Variants in ABI3BP observed in about 807,000 individuals in gnomAD.
The protein encoded by ABI3BP is ABI family member 3 binding protein.
A neutral mutation model predicts 268.6 loss-of-function variants in ABI3BP; 216 were observed. That is an observed-to-expected ratio of 0.80 (90% confidence interval 0.72 to 0.90). The LOEUF (loss-of-function observed/expected upper bound fraction) is 0.90. Ranked by LOEUF, ABI3BP falls within the 40% of genes least tolerant of loss-of-function variation. ABI3BP has a pLI of 0.00. For synonymous variants in ABI3BP, 730 were observed against 730.0 expected (o/e 1.00, Z 0.00); for missense variants, 2,090 against 2,182.4 (o/e 0.96, Z 0.84).
chr3:100,766,862 A>C (rs1382095047), intron 62 of ABI3BP, among the ~76,000 whole-genome samples: 1 of 152,242 alleles, frequency 6.6e-6, no homozygotes, highest in Non-Finnish European at 1.5e-5. Flanking sequence ...ACATCAGACA[A>C]GGTGAAAAGG....
At chr3:100,926,560 T>C in intron 1 of ABI3BP, 79 bp from the exon 2 acceptor site, 1 of 1,323,864 alleles carries the variant, frequency 7.6e-7, no homozygotes, top group Non-Finnish European at 1.1e-6. Context: ...CAAGTGTTGG[T>C]GGCTAGAGGC....
chr3:100,976,968 T>G (rs1576180213), intron 1 of ABI3BP, among the ~76,000 whole-genome samples: 1 of 152,376 alleles, frequency 6.6e-6, no homozygotes, highest in Non-Finnish European at 1.5e-5. Flanking sequence ...CTTTAGCTGC[T>G]CTAAACTACC....
chr3:100,904,356 A>G (rs888233764), intron 2 of ABI3BP, among the ~76,000 whole-genome samples: 7 of 152,190 alleles, frequency 4.6e-5, no homozygotes, highest in African/African-American at 1.7e-4. Flanking sequence ...TTGCAAGGGA[A>G]GTCTGATGGG....
rs2097099383 is a variant in ABI3BP, at chr3:100,787,952, C to T, written c.4088-150G>A. 9 of 492,552 alleles carry T rather than the reference C, an allele frequency of 1.8e-5. No individual in the cohort carries two copies. The South Asian group carries it at 3.0e-4, about 17-fold the overall frequency. 30.5% of individuals were successfully genotyped at this position (492,552 alleles called of 1,614,324 possible). On this transcript the variant is annotated intron_variant, in intron 56 of 67. Coordinates refer to ENST00000471714, the MANE Select transcript of ABI3BP (RefSeq NM_001375547.2). ...ATTCAGAATATAGAAACCACAGTCT[C>T]GTATAAAAATAATAGACTTGAATTT...
At chr3:100,944,435 C>G (rs1049503097) in intron 1 of ABI3BP, among the ~76,000 whole-genome samples, 1 of 152,038 alleles carries the variant, frequency 6.6e-6, no homozygotes, top group Non-Finnish European at 1.5e-5. Flanking sequence ...ATTTACAGGA[C>G]AAAGCAGAAA....
chr3:100,948,789 A>C (rs2073674706), intron 1 of ABI3BP, among the ~76,000 whole-genome samples: 2 of 152,196 alleles, frequency 1.3e-5, no homozygotes, highest in Non-Finnish European at 2.9e-5. Flanking sequence ...AGAATTTTTT[A>C]GGATTTTGGA....
At chr3:100,865,494 A>C (rs991554159) in intron 10 of ABI3BP, among the ~76,000 whole-genome samples, 1 of 152,228 alleles carries the variant, frequency 6.6e-6, no homozygotes, top group Non-Finnish European at 1.5e-5. Flanking sequence ...AAAGGTAATA[A>C]AAAGCTCAAT....
At chr3:100,799,560 C>T (rs1456750107) in intron 51 of ABI3BP, among the ~76,000 whole-genome samples, 1 of 152,180 alleles carries the variant, frequency 6.6e-6, no homozygotes, top group African/African-American at 2.4e-5. Flanking sequence ...CACAGTCAAG[C>T]TGGCAGCCTC....
intron 4 of ABI3BP, among the ~76,000 whole-genome samples, chr3:100,892,572 G>T (rs1235228211): frequency 1.3e-5 from 2 of 152,126 alleles, no homozygotes; most frequent in African/African-American, 4.8e-5. Flanking sequence ...ATTTGTAAAT[G>T]GGCCCAGGTC....
chr3:100,837,032 A>C (rs1177765096), intron 27 of ABI3BP, 92 bp downstream of exon 27: 27 of 1,221,318 alleles, frequency 2.2e-5, no homozygotes, highest in Non-Finnish European at 3.0e-5. Context: ...AAAATGGTGA[A>C]TGACAATTGT....
chr3:100,896,302 T>C (rs948934073), intron 4 of ABI3BP, among the ~76,000 whole-genome samples: 1 of 152,202 alleles, frequency 6.6e-6, no homozygotes, highest in African/African-American at 2.4e-5. Flanking sequence ...GTTAGAATCC[T>C]AGCTCCATTA....
chr3:100,861,445 C>T (rs2098997596), intron 14 of ABI3BP, among the ~76,000 whole-genome samples: 1 of 151,830 alleles, frequency 6.6e-6, no homozygotes, highest in Non-Finnish European at 1.5e-5. Flanking sequence ...ATGATATGTA[C>T]CCCAAATAAA....
intron 1 of ABI3BP, chr3:100,931,141 T>C (rs918883106): frequency 6.6e-6 from 1 of 152,092 alleles, no homozygotes; most frequent in South Asian, 2.1e-4. Context: ...AAATTCAACA[T>C]CCTTCCATGT....
chr3:100,798,058 T>C (rs2097404429), intron 51 of ABI3BP, among the ~76,000 whole-genome samples: 1 of 152,050 alleles, frequency 6.6e-6, no homozygotes, highest in African/African-American at 2.4e-5. Context: ...AGTTTATAAA[T>C]ACTCTAATTA....
rs773018779 is a variant in ABI3BP at position 100,752,878 on chromosome 3, T to C, written c.5031A>G (p.Gln1677=). ...TTTTATACCATGTCCTTTTGACATATTGTTTGCCCTTACACTCTGAGTAAG... is the reference window on the plus strand; with the variant it reads ...TTTTATACCATGTCCTTTTGACATACTGTTTGCCCTTACACTCTGAGTAAG... ...SDSYSECKGK[Q]YVKRTWYKKF... Residue 1677 remains glutamine (Q), a synonymous_variant, in exon 66 of 68, where the codon CAA becomes CAG. Transcript: ENST00000471714. The C allele has an allele frequency of 1.4e-5, 22 of 1,613,504 alleles. No homozygotes were observed. Among genetic ancestry groups the C allele is most frequent in the South Asian group, 2.2e-5 (2 of 91,076 alleles).
intron 1 of ABI3BP, among the ~76,000 whole-genome samples, chr3:100,979,165 C>G (rs1439132978): frequency 6.6e-6 from 1 of 152,206 alleles, no homozygotes; most frequent in African/African-American, 2.4e-5. Flanking sequence ...GCTTGCTAAG[C>G]TAGAGGACCA....
chr3:100,985,507 T>C (rs2091440991), intron 1 of ABI3BP, among the ~76,000 whole-genome samples: 1 of 152,176 alleles, frequency 6.6e-6, no homozygotes. Flanking sequence ...CATTACCTAC[T>C]ATGTTAATTT....
At chr3:100,976,325 T>C (rs1458602675) in intron 1 of ABI3BP, among the ~76,000 whole-genome samples, 2 of 152,154 alleles carry the variant, frequency 1.3e-5, no homozygotes, top group African/African-American at 4.8e-5. Flanking sequence ...CTTTTTTTGA[T>C]AAAACACTTC....
Position 100,775,202 on chromosome 3 carries a change from C to T in ABI3BP, c.4462+5G>A, listed in dbSNP as rs769309387. 17 of 1,612,308 alleles carry T rather than the reference C, an allele frequency of 1.1e-5. No individual in the cohort carries two copies. The highest frequency in any genetic ancestry group is 3.3e-5 in the Admixed American group (2 of 59,814). ...TATCCAGTGAGAACTGATGGCCATA[C>T]GAACCCAGTTCTTCTCCAGAGGCAG... is the stretch of plus-strand genomic sequence containing the variant. On this transcript the variant is annotated splice_donor_5th_base_variant and intron_variant, in intron 60 of 67. Coordinates refer to ENST00000471714, the MANE Select transcript of ABI3BP (RefSeq NM_001375547.2).
Sources: gnomAD v4.1 joint callset for allele counts (sites outside exome capture counted in the v4.1 genomes callset) on GRCh38, gnomAD v4.1.1 for gene constraint, MANE v1.5 for transcripts, NCBI Gene and HGNC (gene_info 2026-07-23, HGNC 2026-07-21) for gene names.